The following GRM7 variants were observed in gnomAD, a reference collection of about 807,000 sequenced individuals.
The protein encoded by GRM7 is glutamate metabotropic receptor 7.
In GRM7, 35 loss-of-function variants were observed where a neutral mutation model predicts 84.5. The observed-to-expected ratio is 0.41, with a 90% CI of 0.32 to 0.55. The LOEUF (loss-of-function observed/expected upper bound fraction) is 0.55. Ranked by LOEUF, GRM7 falls within the 20% of genes least tolerant of loss-of-function variation. The pLI is 0.19. For synonymous variants in GRM7, 487 were observed against 455.1 expected, an observed-to-expected ratio of 1.07 and a Z score of -0.89; for missense variants, 1,003 against 1,194.6, an observed-to-expected ratio of 0.84 and a Z score of 2.36.
At chr3:7,545,294 C>T (rs1326779803) in intron 7 of GRM7, among the ~76,000 whole-genome samples, 1 of 152,232 alleles carries the variant, frequency 6.6e-6, no homozygotes, top group East Asian at 1.9e-4. Flanking sequence ...GCCTGATACT[C>T]TGTGTACTCT....
chr3:7,722,989 T>C (rs1237318590), intron 9 of GRM7, among the ~76,000 whole-genome samples: 1 of 152,198 alleles, frequency 6.6e-6, no homozygotes, highest in Non-Finnish European at 1.5e-5. Flanking sequence ...CAAATTTTTT[T>C]ATCATAAGAC....
intron 4 of GRM7, among the ~76,000 whole-genome samples, chr3:7,376,022 G>C (rs1044019535): frequency 6.6e-6 from 1 of 152,166 alleles, no homozygotes; most frequent in East Asian, 1.9e-4. Flanking sequence ...GAGCCTTATT[G>C]AGTAGATGAT....
intron 1 of GRM7, among the ~76,000 whole-genome samples, chr3:7,055,422 C>T (rs1697181016): frequency 6.6e-6 from 1 of 151,112 alleles, no homozygotes; most frequent in African/African-American, 2.4e-5. Flanking sequence ...CTAACGATTT[C>T]CTCTCTTATG....
At chr3:7,336,467 C>A (rs764175526) in intron 4 of GRM7, among the ~76,000 whole-genome samples, 1 of 151,860 alleles carries the variant, frequency 6.6e-6, no homozygotes, top group Non-Finnish European at 1.5e-5. Flanking sequence ...AAACCATTTC[C>A]CCTGAGAACT....
At chr3:7,517,624 C>T (rs932373422) in intron 7 of GRM7, among the ~76,000 whole-genome samples, 2 of 152,132 alleles carry the variant, frequency 1.3e-5, no homozygotes, top group Admixed American at 1.3e-4. Flanking sequence ...GAACTCCTGA[C>T]CTCAAGCAAT....
intron 7 of GRM7, among the ~76,000 whole-genome samples, chr3:7,521,190 GAGC>G (rs1202485128): frequency 1.3e-5 from 2 of 152,188 alleles, no homozygotes; most frequent in Non-Finnish European, 2.9e-5. Flanking sequence ...ACCTGATGTT[GAGC>G]AGGCCACTCT....
At chr3:7,335,647 A>G (rs535220929) in intron 4 of GRM7, among the ~76,000 whole-genome samples, 70 of 152,214 alleles carry the variant, frequency 4.6e-4, no homozygotes, top group Middle Eastern at 3.4e-3. Flanking sequence ...AGCAAAATCA[A>G]TAGACCATTA....
chr3:7,318,738 C>G (rs1403157540), intron 4 of GRM7, among the ~76,000 whole-genome samples: 1 of 151,974 alleles, frequency 6.6e-6, no homozygotes, highest in Non-Finnish European at 1.5e-5. Context: ...TGACCTTCTT[C>G]TAACTTTAAG....
At chr3:7,507,244 G>A (rs1362278436) in intron 7 of GRM7, among the ~76,000 whole-genome samples, 3 of 152,210 alleles carry the variant, frequency 2.0e-5, no homozygotes, top group Non-Finnish European at 4.4e-5. Context: ...GAAAAATCCA[G>A]TCTAGACAAC....
At chr3:7,325,723 C>T (rs889501447) in intron 4 of GRM7, among the ~76,000 whole-genome samples, 3 of 152,152 alleles carry the variant, frequency 2.0e-5, no homozygotes, top group South Asian at 2.1e-4. Context: ...AACAGCATGT[C>T]TATATGCATC....
chr3:7,008,789 TTCTTTC>T (rs1695268363), intron 1 of GRM7, among the ~76,000 whole-genome samples: 1 of 152,172 alleles, frequency 6.6e-6, no homozygotes, highest in Admixed American at 6.6e-5. Flanking sequence ...TTTCCTCCTC[TTCTTTC>T]TCCTTTCTCC....
chr3:7,713,130 T>TG (rs1701644715), intron 9 of GRM7, among the ~76,000 whole-genome samples: 1 of 74,312 alleles, frequency 1.3e-5, no homozygotes, highest in East Asian at 8.7e-4. Flanking sequence ...TTTTGTTTTT[T>TG]TTTTTTTTTT....
chr3:7,679,214 T>C (rs1280979292), intron 8 of GRM7, among the ~76,000 whole-genome samples: 2 of 152,070 alleles, frequency 1.3e-5, no homozygotes, highest in Non-Finnish European at 2.9e-5. Context: ...AAAAGGGGCA[T>C]GGAGAAAAGT....
intron 8 of GRM7, among the ~76,000 whole-genome samples, chr3:7,650,998 G>A (rs1214796096): frequency 1.3e-5 from 2 of 152,178 alleles, no homozygotes; most frequent in African/African-American, 4.8e-5. Context: ...AGCTCTGACT[G>A]TAACTTTTTG....
At chr3:7,163,301 G>T (rs1429989204) in intron 2 of GRM7, among the ~76,000 whole-genome samples, 1 of 152,174 alleles carries the variant, frequency 6.6e-6, no homozygotes, top group Non-Finnish European at 1.5e-5. Context: ...GGCATCCAGG[G>T]TGTTTGTCTC....
chr3:7,128,230 T>TA (rs1364490013), intron 1 of GRM7, among the ~76,000 whole-genome samples: 1 of 151,954 alleles, frequency 6.6e-6, no homozygotes, highest in Non-Finnish European at 1.5e-5. Flanking sequence ...CCATTCATTG[T>TA]AAAAAATAAA....
At chr3:7,385,923 G>C (rs1378735874) in intron 4 of GRM7, among the ~76,000 whole-genome samples, 21 of 152,300 alleles carry the variant, frequency 1.4e-4, no homozygotes. Flanking sequence ...GCATTCATAG[G>C]AATGATGCTT....
chr3:6,972,373 T>C (rs1292517158), intron 1 of GRM7, among the ~76,000 whole-genome samples: 1 of 152,192 alleles, frequency 6.6e-6, no homozygotes, highest in Non-Finnish European at 1.5e-5. Context: ...TGTTTCTTCG[T>C]CTTCTGATAG....
intron 7 of GRM7, among the ~76,000 whole-genome samples, chr3:7,510,436 C>G (rs1167881950): frequency 6.6e-6 from 1 of 151,990 alleles, no homozygotes; most frequent in Non-Finnish European, 1.5e-5. Context: ...TATTACAGTC[C>G]CCTGAGTATA....
Sources: gnomAD v4.1 joint callset for allele counts (sites outside exome capture counted in the v4.1 genomes callset) on GRCh38, gnomAD v4.1.1 for gene constraint, MANE v1.5 for transcripts, NCBI Gene and HGNC (gene_info 2026-07-23, HGNC 2026-07-21) for gene names.